The following CELF2 variants were observed in gnomAD, a reference collection of about 807,000 sequenced individuals.
CELF2 encodes the protein CUGBP Elav-like family member 2, also known as CUG triplet repeat RNA-binding protein 2.
A neutral mutation model predicts 62.6 loss-of-function variants in CELF2; 8 were observed. That is an observed-to-expected ratio of 0.13 (90% CI 0.07 to 0.23). The LOEUF (loss-of-function observed/expected upper bound fraction) is 0.23. CELF2 is among the 10% of genes least tolerant of loss of function. CELF2 has a pLI of 1.00. For missense variants in CELF2, 333 were observed against 671.0 expected (o/e 0.50, Z 5.56); for synonymous variants, 258 against 250.0 (o/e 1.03, Z -0.30).
At chr10:10,651,313 C>A in the CELF2 span, among the ~76,000 whole-genome samples, 1 of 148,266 alleles carries the variant, frequency 6.7e-6, no homozygotes, top group African/African-American at 2.5e-5. Flanking sequence ...CGCCATTGCC[C>A]AGGCTTGCTT....
chr10:10,952,604 T>C (rs2048446750), intron 2 of CELF2, among the ~76,000 whole-genome samples: 1 of 151,554 alleles, frequency 6.6e-6, no homozygotes, highest in Admixed American at 6.6e-5. Flanking sequence ...ATAGATACTT[T>C]AACATCTGTG....
chr10:11,243,645 G>A lies in CELF2; in HGVS notation c.355-5508G>A, dbSNP rs1333770491. 2.0e-5 allele frequency among the ~76,000 whole-genome samples: 3 copies of A among 152,172 alleles called. No individual in the cohort carries two copies. Among genetic ancestry groups the A allele is most frequent in the East Asian group, 1.9e-4 (1 of 5,196 alleles). ...TAATAGACTCATTAATTGTTTCATC[G>A]TGACTCAGGAAAACCACTCTGTAAA... On this transcript the variant is annotated intron_variant, in intron 3 of 12. Transcript: ENST00000633077. The surrounding 1 kb of genome is among the most constrained non-coding windows in gnomAD (Gnocchi z 4.1).
the CELF2 span, among the ~76,000 whole-genome samples, chr10:10,596,971 A>G: frequency 6.6e-6 from 1 of 152,084 alleles, no homozygotes; most frequent in East Asian, 1.9e-4. Flanking sequence ...CTCAAGGGTC[A>G]CTCAAGAGAC....
At chr10:11,112,368 GA>G (rs2055407268) in intron 1 of CELF2, among the ~76,000 whole-genome samples, 1 of 152,252 alleles carries the variant, frequency 6.6e-6, no homozygotes. Context: ...TGCAGTACGG[GA>G]AAGGGAGTCA....
rs574304315 is a variant in CELF2, at chr10:10,948,630, C to A, written c.89+28631C>A. Among the ~76,000 whole-genome samples the A allele has an allele frequency of 7.9e-5, 12 of 152,180 alleles. No homozygotes were observed. The South Asian group carries it at 2.3e-3, about 29-fold the overall frequency. The stretch of plus-strand genomic sequence containing the variant: ...TCAGGAAGCCAAGGCTACATGAAGC[C>A]CCCCTAGGCTGGGAGGGCTGCCTCT... On this transcript the variant is annotated intron_variant, in intron 2 of 13. Coordinates refer to the CELF2 transcript ENST00000636488.
At chr10:10,834,982 T>G (rs554146538) in intron 1 of CELF2, among the ~76,000 whole-genome samples, 1 of 152,164 alleles carries the variant, frequency 6.6e-6, no homozygotes, top group African/African-American at 2.4e-5. Context: ...ATTCTGTCTC[T>G]CCTACCTTCT....
intron 3 of CELF2, among the ~76,000 whole-genome samples, chr10:11,231,966 A>G (rs2068859148): frequency 6.6e-6 from 1 of 151,834 alleles, no homozygotes; most frequent in Non-Finnish European, 1.5e-5. Flanking sequence ...GCATTCATGT[A>G]TTATTAGTGT....
chr10:10,788,453 C>CTTTTTT, the CELF2 span, among the ~76,000 whole-genome samples: 73 of 95,750 alleles, frequency 7.6e-4, 4 homozygotes, highest in Non-Finnish European at 1.0e-3. Flanking sequence ...TTCTTTCCAT[C>CTTTTTT]TTTTTTTTTT....
At chr10:10,564,641 T>TAC in the CELF2 span, among the ~76,000 whole-genome samples, 5,622 of 136,078 alleles carry the variant, frequency 0.041, 140 homozygotes, top group African/African-American at 0.056. Flanking sequence ...GTTAACTGAA[T>TAC]ACACACACAC....
At chr10:11,151,865 T>C (rs187231475) in intron 1 of CELF2, among the ~76,000 whole-genome samples, 1 of 152,162 alleles carries the variant, frequency 6.6e-6, no homozygotes, top group Non-Finnish European at 1.5e-5. Context: ...CTGCCCTGAG[T>C]CTCACTCGGG....
At chr10:10,614,095 A>G in the CELF2 span, among the ~76,000 whole-genome samples, 1 of 152,168 alleles carries the variant, frequency 6.6e-6, no homozygotes, top group African/African-American at 2.4e-5. Context: ...GAGAGTGGGC[A>G]GTAACCCAAG....
rs373730049 is a variant in CELF2 at position 10,953,294 on chromosome 10, C to A, written c.89+33295C>A. ...TCATTTCAGAAACTTTCACTCTATA[C>A]CATCTATAATTACCATCTATAATTT... On this transcript the variant is annotated intron_variant, in intron 2 of 13. Coordinates refer to the CELF2 transcript ENST00000636488. Among the ~76,000 whole-genome samples the A allele has an allele frequency of 2.2e-3, 338 of 152,244 alleles. 5 individuals carry two copies. In the South Asian group the frequency reaches 0.03, roughly 14 times the overall value.
intron 1 of CELF2, among the ~76,000 whole-genome samples, chr10:10,892,742 A>C (rs1344576282): frequency 6.6e-6 from 1 of 152,168 alleles, no homozygotes; most frequent in Non-Finnish European, 1.5e-5. Context: ...GTTCCAATTC[A>C]CTGGAAAACT....
the CELF2 span, among the ~76,000 whole-genome samples, chr10:10,600,221 A>G: frequency 6.6e-6 from 1 of 152,188 alleles, no homozygotes; most frequent in Non-Finnish European, 1.5e-5. Context: ...TTATGATTGG[A>G]CTGCGTGGGC....
intron 2 of CELF2, among the ~76,000 whole-genome samples, chr10:10,954,931 T>C (rs780199044): frequency 6.6e-6 from 1 of 152,242 alleles, no homozygotes; most frequent in African/African-American, 2.4e-5. Flanking sequence ...TTTATCGTTT[T>C]AAAAAGATAA....
the CELF2 span, among the ~76,000 whole-genome samples, chr10:10,702,185 A>G: frequency 6.6e-5 from 10 of 152,314 alleles, no homozygotes; most frequent in East Asian, 3.9e-4. Flanking sequence ...GAGGAGGAAC[A>G]GGAAGGAGAG....
the CELF2 span, among the ~76,000 whole-genome samples, chr10:10,692,962 C>G: frequency 2.8e-5 from 4 of 142,672 alleles, no homozygotes; most frequent in Non-Finnish European, 6.2e-5. Flanking sequence ...CAAACAGGGA[C>G]AATTTGACTT....
At position 11,191,152 on chromosome 10, in the gene CELF2, G is replaced by A. The variant is rs1469237694; in HGVS notation, c.271+25470G>A. Among the ~76,000 whole-genome samples the A allele has an allele frequency of 6.6e-6, 1 of 152,150 alleles. No individual in the cohort carries two copies. ...GTCTGTAAATGGGGCCTGATGTATTGAAAGGCACCTGGCTCAGTGCCTGTA... is the reference window on the plus strand; with the variant it reads ...GTCTGTAAATGGGGCCTGATGTATTAAAAGGCACCTGGCTCAGTGCCTGTA... On this transcript the variant is annotated intron_variant, in intron 2 of 12. Coordinates refer to ENST00000633077, the MANE Select transcript of CELF2 (RefSeq NM_001326342.2). This position sits in a 1 kb window ranked among gnomAD's most constrained non-coding sequence, Gnocchi z 4.1.
At chr10:10,883,615 G>A (rs1023061816) in intron 1 of CELF2, among the ~76,000 whole-genome samples, 1 of 152,112 alleles carries the variant, frequency 6.6e-6, no homozygotes, top group Non-Finnish European at 1.5e-5. Context: ...GAGTGACTTT[G>A]TGAAGGGGAC....
Sources: gnomAD v4.1 joint callset for allele counts (sites outside exome capture counted in the v4.1 genomes callset) on GRCh38, gnomAD v4.1.1 for gene constraint, Gnocchi (gnomAD v3.1) non-coding constraint, MANE v1.5 for transcripts, NCBI Gene and HGNC (gene_info 2026-07-23, HGNC 2026-07-21) for gene names.